TARBP1: variants seen among roughly 807,000 people sequenced by gnomAD.
TARBP1 encodes tRNA (guanosine(18)-2'-O)-methyltransferase TARBP1.
In TARBP1, 144 loss-of-function variants were observed where a neutral mutation model predicts 178.6. The observed-to-expected ratio is 0.81, with a 90% CI of 0.70 to 0.93. The LOEUF is 0.93. TARBP1 is among the 40% of genes least tolerant of loss of function. The pLI, the probability that TARBP1 is intolerant of heterozygous loss-of-function variation, is 0.00. For synonymous variants in TARBP1, 787 were observed against 781.0 expected, an observed-to-expected ratio of 1.01 and a Z score of -0.13; for missense variants, 2,067 against 2,011.7, an observed-to-expected ratio of 1.03 and a Z score of -0.53.
rs761390147 is a variant in TARBP1 at position 234,420,764 on chromosome 1, G to A, written c.3493C>T (p.Gln1165Ter). 4 of 1,612,658 alleles carry A rather than the reference G, an allele frequency of 2.5e-6. No individual in the cohort carries two copies. Among genetic ancestry groups the A allele is most frequent in the Non-Finnish European group, 3.4e-6 (4 of 1,179,328 alleles). ...SKKRYYVNSL[Q>*]HRVKNRVWQT... ...CACACTCGGTTTTTCACTCTGTGCTGTAGAGAATTCACATAGTAGCGTTTT... is the reference window on the plus strand; with the variant it reads ...CACACTCGGTTTTTCACTCTGTGCTATAGAGAATTCACATAGTAGCGTTTT... Residue 1165 changes from glutamine to a stop codon, truncating the protein, a stop_gained, in exon 21 of 30, where the codon CAG becomes TAG. Coordinates refer to ENST00000040877, the MANE Select transcript of TARBP1 (RefSeq NM_005646.4). LOFTEE classifies it high-confidence loss of function.
chr1:234,398,382 C>G lies in TARBP1; in HGVS notation c.4243G>C (p.Gly1415Arg). 6.4e-7 allele frequency: 1 copy of G among 1,570,418 alleles called. No homozygotes were observed. Among genetic ancestry groups the G allele is most frequent in the Non-Finnish European group, 8.6e-7 (1 of 1,156,936 alleles). Residue 1415 changes from glycine (G) to arginine (R), a missense_variant and splice_region_variant, in exon 26 of 30, where the codon GGT becomes CGT. Coordinates refer to ENST00000040877, the MANE Select transcript of TARBP1 (RefSeq NM_005646.4). Reference sequence around the variant, plus strand: ...AAATAAAATGAAAATTATTTTTTACCTATGTCTTGCTGAGACCAGTCACCT... The same window carrying G: ...AAATAAAATGAAAATTATTTTTTACGTATGTCTTGCTGAGACCAGTCACCT... ...KPGDWSQQDI[G>R]TNLVEADNQA...
At chr1:234,466,265 A>C (rs1013279171) in intron 4 of TARBP1, among the ~76,000 whole-genome samples, 1 of 152,190 alleles carries the variant, frequency 6.6e-6, no homozygotes, top group African/African-American at 2.4e-5. Context: ...TAATCCCAGC[A>C]CTTTGGGAGG....
At chr1:234,401,535 C>T (rs1174084266) in intron 24 of TARBP1, among the ~76,000 whole-genome samples, 1 of 152,184 alleles carries the variant, frequency 6.6e-6, no homozygotes, top group African/African-American at 2.4e-5. Context: ...ATAAAAGTCA[C>T]CTTTTCTACT....
intron 29 of TARBP1, 127 bp downstream of exon 29, chr1:234,392,289 T>C (rs115987069): frequency 0.013 from 15,270 of 1,203,184 alleles, 157 homozygotes; most frequent in Non-Finnish European, 0.016. Flanking sequence ...TGAGCCGAGA[T>C]TGTGCCACTA....
chr1:234,433,471 C>T lies in TARBP1; in HGVS notation c.2333G>A (p.Arg778Lys). The T allele has an allele frequency of 6.2e-7, 1 of 1,614,120 alleles. No homozygotes were observed. The highest frequency in any genetic ancestry group is 8.5e-7 in the Non-Finnish European group (1 of 1,180,006). ...TGCATTTTTCAAAAGAGAAATAACT[C>T]TCCAGATAGGGTTACCCCTTTTCCA... ...VGWKRGNPIW[R>K]VISLLKNASI... Residue 778 changes from arginine to lysine, a missense_variant, in exon 14 of 30, where the codon AGA becomes AAA. Coordinates refer to ENST00000040877, the MANE Select transcript of TARBP1 (RefSeq NM_005646.4).
chr1:234,447,774 A>G (rs1666337239), intron 11 of TARBP1, among the ~76,000 whole-genome samples: 1 of 150,616 alleles, frequency 6.6e-6, no homozygotes, highest in South Asian at 2.1e-4. Context: ...CAAAATATAA[A>G]TGAGTGTTTT....
chr1:234,466,071 C>G (rs1668400835), intron 4 of TARBP1, among the ~76,000 whole-genome samples: 1 of 150,942 alleles, frequency 6.6e-6, no homozygotes, highest in Admixed American at 6.7e-5. Flanking sequence ...AGCCCCTATG[C>G]CTAGAGGATA....
rs1385269735 is a variant in TARBP1, at chr1:234,425,795, T to TA, written c.3324-3dup. On this transcript the variant is annotated splice_region_variant and splice_polypyrimidine_tract_variant and intron_variant, in intron 19 of 29. Coordinates refer to ENST00000040877, the MANE Select transcript of TARBP1 (RefSeq NM_005646.4). ...ACATAATGGTCTTCTCTCTTAGTAC[T>TA]AAAAAAATTAAATGATAAATTATGT... 2 of 1,534,464 alleles carry TA rather than the reference T, an allele frequency of 1.3e-6. No homozygotes were observed. Among genetic ancestry groups the TA allele is most frequent in the Non-Finnish European group, 1.8e-6 (2 of 1,129,688 alleles).
chr1:234,472,979 A>AT (rs34245359), intron 1 of TARBP1, among the ~76,000 whole-genome samples, 168 bp from the exon 2 acceptor site: 65,914 of 151,216 alleles, frequency 0.44, 15,025 homozygotes, highest in African/African-American at 0.55. Flanking sequence ...TCAGAGGGAG[A>AT]TTTTTTTTTG....
In TARBP1 at chr1:234,425,605, A is replaced by G. The variant is rs1663653168; in HGVS notation, c.3444+68T>C. On this transcript the variant is annotated intron_variant, in intron 20 of 29. Coordinates refer to ENST00000040877, the MANE Select transcript of TARBP1 (RefSeq NM_005646.4). ...GATATTTAGAAGTACATATTCTAGC[A>G]ACATAAAGAGCAAATGTTGACCTCT... The G allele has an allele frequency of 2.0e-6, 3 of 1,465,736 alleles. No individual in the cohort carries two copies. The South Asian group carries it at 3.6e-5, about 18-fold the overall frequency. 90.8% of individuals were successfully genotyped at this position (1,465,736 alleles called of 1,614,324 possible).
At position 234,478,541 on chromosome 1, in the gene TARBP1, G is replaced by T. The variant is rs765804825; in HGVS notation, c.563C>A (p.Ala188Glu). Residue 188 changes from alanine to glutamate, a missense_variant, in exon 1 of 30, where the codon GCG (alanine) becomes GAG (glutamate). Ala to Glu is a moderately radical substitution (Grantham distance 107). Transcript: ENST00000040877. ...CAGCAGTCGCCCGGCCACCAGCGCC[G>T]CCGCGTCCTCGGCAGGCCCGGCCTC... is the stretch of plus-strand genomic sequence containing the variant. Reference protein sequence around the residue: ...GDEAGPAEDAAALVAGRLLPV... With the variant: ...GDEAGPAEDAEALVAGRLLPV... The T allele has an allele frequency of 2.2e-6, 3 of 1,360,622 alleles. No individual in the cohort carries two copies. The highest frequency in any genetic ancestry group is 3.1e-5 in the African/African-American group (2 of 64,946). The allele number at this position is 1,360,622 out of a possible 1,614,324, so 84.3% of individuals were successfully genotyped here. A position where few individuals can be genotyped will look rare whatever the true frequency, so the allele number is the denominator to read the frequency against.
intron 6 of TARBP1, among the ~76,000 whole-genome samples, chr1:234,461,606 C>G (rs1355553612): frequency 6.6e-6 from 1 of 152,114 alleles, no homozygotes. Context: ...CACACCCGGC[C>G]AGTAAAAGAT....
intron 13 of TARBP1, among the ~76,000 whole-genome samples, chr1:234,436,309 T>C (rs541443284): frequency 3.0e-4 from 45 of 152,306 alleles, no homozygotes; most frequent in Admixed American, 9.8e-4. Context: ...AAAACTTAAA[T>C]TTTAAAGTTA....
intron 12 of TARBP1, among the ~76,000 whole-genome samples, chr1:234,443,883 C>T (rs1445241153): frequency 6.6e-6 from 1 of 152,096 alleles, no homozygotes; most frequent in East Asian, 1.9e-4. Context: ...TGTATGATTC[C>T]ACTTCTAGGA....
chr1:234,433,379 T>A lies in TARBP1; in HGVS notation c.2394+31A>T, dbSNP rs202177394. 1.6e-3 allele frequency: 2,621 copies of A among 1,603,564 alleles called. 11 individuals are homozygous for A. Among genetic ancestry groups the A allele is most frequent in the South Asian group, 5.6e-3 (503 of 89,904 alleles). ...TATTCCCTGTATGCCTTATTCAAGATAACTACAAACCTTGAATCAAAGAGG... is the reference window on the plus strand; with the variant it reads ...TATTCCCTGTATGCCTTATTCAAGAAAACTACAAACCTTGAATCAAAGAGG... On this transcript the variant is annotated intron_variant, in intron 14 of 29. Coordinates refer to ENST00000040877, the MANE Select transcript of TARBP1 (RefSeq NM_005646.4).
chr1:234,392,965 C>T (rs543689522), intron 28 of TARBP1, among the ~76,000 whole-genome samples: 19 of 152,100 alleles, frequency 1.2e-4, no homozygotes, highest in East Asian at 5.8e-4. Flanking sequence ...GTGATCCGCC[C>T]GCCTCGGCCT....
intron 12 of TARBP1, among the ~76,000 whole-genome samples, chr1:234,445,274 C>T (rs1666036439): frequency 6.6e-6 from 1 of 152,126 alleles, no homozygotes. Flanking sequence ...CCTCACTAAC[C>T]TCTGGACATT....
intron 26 of TARBP1, among the ~76,000 whole-genome samples, chr1:234,395,746 T>A (rs964450380): frequency 1.3e-5 from 2 of 151,980 alleles, no homozygotes; most frequent in Non-Finnish European, 2.9e-5. Context: ...TGGGAGAGGA[T>A]GAAGAGTGAG....
chr1:234,456,684 A>G (rs1667320565), intron 9 of TARBP1, among the ~76,000 whole-genome samples: 1 of 152,234 alleles, frequency 6.6e-6, no homozygotes, highest in South Asian at 2.1e-4. Flanking sequence ...GATCATATGT[A>G]TTATTTTAAA....
Sources: gnomAD v4.1 joint callset for allele counts (sites outside exome capture counted in the v4.1 genomes callset) on GRCh38, gnomAD v4.1.1 for gene constraint, MANE v1.5 for transcripts, NCBI Gene and HGNC (gene_info 2026-07-23, HGNC 2026-07-21) for gene names.